TBCCD1: variants seen among roughly 807,000 people sequenced by gnomAD.
The protein encoded by TBCCD1 is TBCC domain containing 1.
Under a neutral mutation model 53.4 loss-of-function variants are expected in TBCCD1, and 26 were observed. The ratio of observed to expected loss-of-function variants is 0.49; its 90% CI spans 0.36 to 0.68. The LOEUF (loss-of-function observed/expected upper bound fraction) is 0.68, where lower values mean the gene tolerates loss of function less well. TBCCD1 is among the 30% of genes least tolerant of loss of function. The pLI is 0.00. For missense variants in TBCCD1, 558 were observed against 669.5 expected, an observed-to-expected ratio of 0.83 and a Z score of 1.84; for synonymous variants, 245 against 241.7, an observed-to-expected ratio of 1.01 and a Z score of -0.13.
At chr3:186,560,615 T>G (rs1416042083) in intron 2 of TBCCD1, among the ~76,000 whole-genome samples, 3 of 152,208 alleles carry the variant, frequency 2.0e-5, no homozygotes, top group Non-Finnish European at 2.9e-5. Flanking sequence ...GCAAATTGTA[T>G]TATTATTTAC....
chr3:186,559,674 C>A (rs1714640182), intron 2 of TBCCD1, among the ~76,000 whole-genome samples: 1 of 152,176 alleles, frequency 6.6e-6, no homozygotes, highest in Admixed American at 6.6e-5. Flanking sequence ...AATCAACTAA[C>A]AATGTGAAGC....
intron 7 of TBCCD1, among the ~76,000 whole-genome samples, chr3:186,548,110 G>A (rs368718331): frequency 1.4e-4 from 21 of 152,256 alleles, no homozygotes; most frequent in African/African-American, 4.8e-4. Flanking sequence ...CTGAAAAGTA[G>A]ACACAAGCCA....
chr3:186,561,699 G>A (rs1294295837), intron 2 of TBCCD1, among the ~76,000 whole-genome samples: 2 of 152,184 alleles, frequency 1.3e-5, no homozygotes, highest in Admixed American at 6.5e-5. Flanking sequence ...TGAGGCAGGA[G>A]AATGGTGTGA....
intron 5 of TBCCD1, 51 bp from the exon 6 acceptor site, chr3:186,554,802 T>C: frequency 6.3e-7 from 1 of 1,591,682 alleles, no homozygotes; most frequent in Non-Finnish European, 8.5e-7. Flanking sequence ...ATTTTAAAAA[T>C]TTGACTAAAA....
chr3:186,554,714 CAA>C lies in TBCCD1; in HGVS notation c.1082_1083del (p.Phe361CysfsTer15). On this transcript the variant is annotated frameshift_variant, in exon 6 of 8. Coordinates refer to ENST00000338733, the MANE Select transcript of TBCCD1 (RefSeq NM_018138.5). LOFTEE classifies it high-confidence loss of function. ...VTIEKCRNSIFVLGPVGTTLH... is the reference protein window; with the variant it reads ...VTIEKCRNSIXVLGPVGTTLH... ...AGTGTAGTCCCTACAGGGCCCAAGACAAAGATGCTATTCCTGCACTTCTCAAT... is the reference window on the plus strand; with the variant it reads ...AGTGTAGTCCCTACAGGGCCCAAGACAGATGCTATTCCTGCACTTCTCAAT... 6.2e-7 allele frequency: 1 copy of C among 1,613,992 alleles called. No homozygotes were observed. The highest frequency in any genetic ancestry group is 8.5e-7 in the Non-Finnish European group (1 of 1,179,992).
At chr3:186,562,616 T>C (rs1051796851) in intron 2 of TBCCD1, among the ~76,000 whole-genome samples, 3 of 152,144 alleles carry the variant, frequency 2.0e-5, no homozygotes, top group African/African-American at 7.2e-5. Context: ...CTCTACAGCA[T>C]ACCGCCTAGA....
Position 186,564,385 on chromosome 3 carries a change from G to A in TBCCD1, c.-43-13C>T. On this transcript the variant is annotated splice_polypyrimidine_tract_variant and intron_variant, in intron 1 of 7. Coordinates refer to ENST00000338733, the MANE Select transcript of TBCCD1 (RefSeq NM_018138.5). ...CTTCTTTGCATACCTAGGAAACAAA[G>A]TTTCTTCATAAACTGATTTGAAACA... is the stretch of plus-strand genomic sequence containing the variant. The A allele has an allele frequency of 6.7e-7, 1 of 1,493,502 alleles. No homozygotes were observed. The allele number at this position is 1,493,502 out of a possible 1,614,324, so 92.5% of individuals were successfully genotyped here. A position where few individuals can be genotyped will look rare whatever the true frequency, so the allele number is the denominator to read the frequency against.
intron 1 of TBCCD1, among the ~76,000 whole-genome samples, chr3:186,566,946 G>C (rs1020572757): frequency 6.6e-6 from 1 of 152,232 alleles, no homozygotes; most frequent in African/African-American, 2.4e-5. Context: ...CGAGAATCGA[G>C]AGGGCTCAAT....
Position 186,566,030 on chromosome 3 carries a change from T to C in TBCCD1, c.-44+1237A>G, listed in dbSNP as rs2035211792. Among the ~76,000 whole-genome samples, 3 of 151,968 alleles carry C rather than the reference T, an allele frequency of 2.0e-5. No homozygotes were observed. In the South Asian group the frequency reaches 6.2e-4, roughly 31 times the overall value. ...ATTTTGCATTTGATTCTAAGAAAAC[T>C]GTGCTTCTCTCTTTTTTTTTTTTTT... On this transcript the variant is annotated intron_variant, in intron 1 of 7. Transcript: ENST00000338733.
At chr3:186,557,691 A>G (rs1265745707) in intron 3 of TBCCD1, among the ~76,000 whole-genome samples, 1 of 152,188 alleles carries the variant, frequency 6.6e-6, no homozygotes, top group Non-Finnish European at 1.5e-5. Flanking sequence ...TTTATGAAAG[A>G]AAGTGAGAAG....
At chr3:186,552,411 T>C (rs1429617666) in intron 6 of TBCCD1, among the ~76,000 whole-genome samples, 1 of 152,178 alleles carries the variant, frequency 6.6e-6, no homozygotes, top group Non-Finnish European at 1.5e-5. Context: ...AAAGCCACTC[T>C]GGGATGATGA....
chr3:186,550,171 G>A (rs1378924761), intron 7 of TBCCD1, among the ~76,000 whole-genome samples: 2 of 143,544 alleles, frequency 1.4e-5, no homozygotes, highest in African/African-American at 5.3e-5. Flanking sequence ...AGCTTGCAGT[G>A]AACTGAGATT....
At chr3:186,547,521 G>T (rs985541956) in intron 7 of TBCCD1, among the ~76,000 whole-genome samples, 2 of 151,808 alleles carry the variant, frequency 1.3e-5, no homozygotes, top group African/African-American at 2.4e-5. Flanking sequence ...CTCCCAAAGT[G>T]CTGGGATTAG....
upstream of TBCCD1, among the ~76,000 whole-genome samples, chr3:186,569,936 G>T (rs1714963623): frequency 1.3e-5 from 2 of 152,140 alleles, no homozygotes; most frequent in Admixed American, 1.3e-4. Context: ...AAAGAGTTCT[G>T]CTTGAACCGT....
intron 2 of TBCCD1, among the ~76,000 whole-genome samples, chr3:186,559,207 C>T (rs1351511940): frequency 1.3e-5 from 2 of 151,992 alleles, no homozygotes; most frequent in East Asian, 1.9e-4. Flanking sequence ...AAAAAACCAA[C>T]CTTAGTAATT....
At chr3:186,550,547 C>T (rs1714341555) in intron 7 of TBCCD1, among the ~76,000 whole-genome samples, 1 of 151,058 alleles carries the variant, frequency 6.6e-6, no homozygotes, top group Non-Finnish European at 1.5e-5. Flanking sequence ...GATGGCGCCA[C>T]TGCACTCCAG....
intron 7 of TBCCD1, among the ~76,000 whole-genome samples, chr3:186,550,379 G>A (rs1714337283): frequency 6.6e-6 from 1 of 152,010 alleles, no homozygotes; most frequent in Admixed American, 6.6e-5. Context: ...GAGGTCAGGA[G>A]TTTTGAGACC....
At chr3:186,566,919 G>A (rs1172956331) in intron 1 of TBCCD1, among the ~76,000 whole-genome samples, 9 of 152,222 alleles carry the variant, frequency 5.9e-5, no homozygotes, top group Non-Finnish European at 1.3e-4. Flanking sequence ...CCAGAGATGA[G>A]CCCTCCATTC....
At chr3:186,564,666 A>T (rs933474507) in intron 1 of TBCCD1, among the ~76,000 whole-genome samples, 3 of 152,214 alleles carry the variant, frequency 2.0e-5, no homozygotes. Flanking sequence ...AAGAAAATGA[A>T]TGAGGGGAAA....
Sources: allele counts gnomAD v4.1 joint callset (sites outside exome capture counted in the v4.1 genomes callset), GRCh38; gene constraint gnomAD v4.1.1; transcripts MANE v1.5; gene names NCBI Gene and HGNC (gene_info 2026-07-23, HGNC 2026-07-21).